Variants in FAM200B observed in about 807,000 individuals in gnomAD.
FAM200B encodes protein FAM200B.
A neutral mutation model predicts 33.1 loss-of-function variants in FAM200B; 32 were observed. The ratio of observed to expected loss-of-function variants is 0.97; its 90% CI spans 0.73 to 1.30. FAM200B has a LOEUF of 1.30. FAM200B is among the 50% of genes most tolerant of loss of function. The pLI is 0.00. For synonymous variants in FAM200B, 240 were observed against 264.8 expected, an observed-to-expected ratio of 0.91 and a Z score of 0.91; for missense variants, 741 against 754.0, an observed-to-expected ratio of 0.98 and a Z score of 0.20.
chr4:15,668,127 A>G, the FAM200B span, among the ~76,000 whole-genome samples: 1 of 152,142 alleles, frequency 6.6e-6, no homozygotes, highest in Admixed American at 6.6e-5. Context: ...TTTGGTTAAT[A>G]AAATTCAATT....
chr4:15,687,074 G>T lies in FAM200B; in HGVS notation c.97G>T (p.Asp33Tyr). 1 of 1,545,208 alleles carries T rather than the reference G, an allele frequency of 6.5e-7. No homozygotes were observed. Among genetic ancestry groups the T allele is most frequent in the South Asian group, 1.2e-5 (1 of 82,738 alleles). The stretch of plus-strand genomic sequence containing the variant: ...TGTTGAATCTGGAATTGTGAATAGT[G>T]ACAATATTGAGAAAAATACTGACTC... ...SSVESGIVNS[D>Y]NIEKNTDSNL... The change falls in exon 2 of 2, where the codon GAC becomes TAC. Residue 33 changes from aspartate to tyrosine, a missense_variant. Coordinates refer to ENST00000422728, the MANE Select transcript of FAM200B (RefSeq NM_001145191.2).
At chr4:15,661,214 CCT>C in the FAM200B span, among the ~76,000 whole-genome samples, 10 of 152,198 alleles carry the variant, frequency 6.6e-5, no homozygotes, top group South Asian at 2.1e-4. Context: ...AGGTGTTTCC[CCT>C]GTGTGCAAGG....
the FAM200B span, among the ~76,000 whole-genome samples, chr4:15,658,542 A>G: frequency 0.018 from 2,688 of 152,200 alleles, 83 homozygotes; most frequent in African/African-American, 0.061. Flanking sequence ...TTACAAGAGG[A>G]AGAAAGACCT....
chr4:15,682,202 C>G (rs577671975), intron 1 of FAM200B, among the ~76,000 whole-genome samples: 33 of 152,284 alleles, frequency 2.2e-4, no homozygotes, highest in African/African-American at 7.0e-4. Context: ...AGTTTCCACT[C>G]TTAAGGCCTA....
At chr4:15,643,041 G>A in the FAM200B span, among the ~76,000 whole-genome samples, 1 of 151,840 alleles carries the variant, frequency 6.6e-6, no homozygotes, top group Non-Finnish European at 1.5e-5. Flanking sequence ...CAGATTTGTC[G>A]AAGGTGTATT....
chr4:15,646,147 C>T, the FAM200B span, among the ~76,000 whole-genome samples: 1 of 152,178 alleles, frequency 6.6e-6, no homozygotes, highest in Non-Finnish European at 1.5e-5. Flanking sequence ...AGTTGTAGCA[C>T]AAAAGTAGTC....
In FAM200B at chr4:15,688,922, CTT is replaced by C. The variant is rs1560267865; in HGVS notation, c.1946_1947del (p.Leu649HisfsTer16). The C allele has an allele frequency of 6.6e-7, 1 of 1,525,050 alleles. No homozygotes were observed. Among genetic ancestry groups the C allele is most frequent in the Non-Finnish European group, 8.8e-7 (1 of 1,130,964 alleles). 94.5% of individuals were successfully genotyped at this position (1,525,050 alleles called of 1,614,324 possible). A position where few individuals can be genotyped will look rare whatever the true frequency, so the allele number is the denominator to read the frequency against. ...LSSCVPDWNE[L>X]MNRQAHPS ...TTCCTGTGTTCCAGACTGGAATGAA[CTT>C]ATGAACAGGCAAGCACACCCATCAT... On this transcript the variant is annotated frameshift_variant, in exon 2 of 2. Coordinates refer to ENST00000422728, the MANE Select transcript of FAM200B (RefSeq NM_001145191.2). LOFTEE classifies it high-confidence loss of function.
At chr4:15,638,200 C>T in the FAM200B span, among the ~76,000 whole-genome samples, 14,492 of 152,084 alleles carry the variant, frequency 0.095, 808 homozygotes, top group Non-Finnish European at 0.12. Context: ...TTTGACTGAT[C>T]GATTTTGAGC....
chr4:15,647,222 CAA>C, the FAM200B span, among the ~76,000 whole-genome samples: 43 of 36,512 alleles, frequency 1.2e-3, no homozygotes, highest in South Asian at 0.045. Flanking sequence ...GACTCCATCT[CAA>C]AAAAAAAAAA....
At chr4:15,678,520 T>G (rs1284249833), upstream of FAM200B, among the ~76,000 whole-genome samples, 1 of 152,248 alleles carries the variant, frequency 6.6e-6, no homozygotes, top group African/African-American at 2.4e-5. Context: ...GCTACTTTCA[T>G]GCATAGGTAT....
chr4:15,641,323 C>T, the FAM200B span, among the ~76,000 whole-genome samples: 1 of 152,018 alleles, frequency 6.6e-6, no homozygotes, highest in African/African-American at 2.4e-5. Flanking sequence ...TGTGCGGGTT[C>T]ACTTAATTAC....
At chr4:15,655,267 T>G in the FAM200B span, 1 of 1,434,674 alleles carries the variant, frequency 7.0e-7, no homozygotes. Context: ...AGACGTCCAC[T>G]TCTTCAGGAA....
rs1420230890 is a variant in FAM200B, at chr4:15,688,891, A to T, written c.1914A>T (p.Ala638=). 3 of 1,549,362 alleles carry T rather than the reference A, an allele frequency of 1.9e-6. No individual in the cohort carries two copies. Among genetic ancestry groups the T allele is most frequent in the Non-Finnish European group, 2.6e-6 (3 of 1,145,698 alleles). ...ATTGTGCAGCAGTTATGCGGGTAGC[A>T]TTATCTTCCTGTGTTCCAGACTGGA... ...GLNCAAVMRV[A]LSSCVPDWNE... Residue 638 remains alanine (A), a synonymous_variant, in exon 2 of 2, where the codon GCA becomes GCT. Transcript: ENST00000422728.
At chr4:15,674,201 C>T in the FAM200B span, among the ~76,000 whole-genome samples, 4 of 136,096 alleles carry the variant, frequency 2.9e-5, no homozygotes, top group Admixed American at 1.5e-4. Context: ...TCAAATGCAT[C>T]GTGTTTTTTT....
the FAM200B span, among the ~76,000 whole-genome samples, chr4:15,643,605 C>A: frequency 6.6e-6 from 1 of 152,162 alleles, no homozygotes; most frequent in Non-Finnish European, 1.5e-5. Flanking sequence ...CAGGTTTTCA[C>A]TATGTTGGCC....
upstream of FAM200B, among the ~76,000 whole-genome samples, chr4:15,679,923 A>T (rs1051875379): frequency 1.3e-5 from 2 of 152,216 alleles, no homozygotes; most frequent in Non-Finnish European, 2.9e-5. Flanking sequence ...TTACCCCTGC[A>T]AATGTAGAAA....
At chr4:15,662,458 C>T in the FAM200B span, among the ~76,000 whole-genome samples, 3 of 152,142 alleles carry the variant, frequency 2.0e-5, no homozygotes, top group African/African-American at 7.2e-5. Flanking sequence ...TAGGCTTTCA[C>T]AGTACCTGGC....
At chr4:15,681,756 C>G (rs755066326), upstream of FAM200B, 6 of 152,930 alleles carry the variant, frequency 3.9e-5, no homozygotes, top group Non-Finnish European at 7.3e-5. Flanking sequence ...CGATCCAGTT[C>G]TTTTCGGCTG....
At chr4:15,642,420 G>A in the FAM200B span, among the ~76,000 whole-genome samples, 2 of 151,962 alleles carry the variant, frequency 1.3e-5, no homozygotes, top group Non-Finnish European at 2.9e-5. Context: ...ATTTTTAGTA[G>A]AGATGGGGTT....
Sources: allele counts gnomAD v4.1 joint callset (sites outside exome capture counted in the v4.1 genomes callset), GRCh38; gene constraint gnomAD v4.1.1; transcripts MANE v1.5; gene names NCBI Gene and HGNC (gene_info 2026-07-23, HGNC 2026-07-21).